Variants in ZNF485 observed in about 807,000 individuals in gnomAD.
ZNF485 encodes the protein Zinc finger protein 93 (Zinc finger protein HTF34).
A neutral mutation model predicts 10.8 loss-of-function variants in ZNF485; 9 were observed. The ratio of observed to expected loss-of-function variants is 0.83; its 90% CI spans 0.50 to 1.45. ZNF485 has a LOEUF of 1.45. Among genes scored for constraint, ZNF485 ranks in the 40% most tolerant of loss-of-function variants. The pLI is 0.00. For synonymous variants in ZNF485, 187 were observed against 181.0 expected (o/e 1.03, Z -0.27); for missense variants, 487 against 528.0 (o/e 0.92, Z 0.76).
At chr10:43,615,324 CTCTG>C (rs59160044) in intron 4 of ZNF485, among the ~76,000 whole-genome samples, 31,313 of 151,954 alleles carry the variant, frequency 0.21, 4,176 homozygotes, top group East Asian at 0.69. Flanking sequence ...AATCATTTCG[CTCTG>C]TCTGTCTTAG....
intron 1 of ZNF485, 96 bp from the exon 2 acceptor site, chr10:43,606,901 G>A: frequency 1.1e-6 from 1 of 893,894 alleles, no homozygotes; most frequent in Non-Finnish European, 1.8e-6. Context: ...GCCCACCTGT[G>A]GAGGGAACGG....
chr10:43,614,530 G>A (rs926147685), intron 4 of ZNF485, among the ~76,000 whole-genome samples: 6 of 152,086 alleles, frequency 3.9e-5, no homozygotes, highest in African/African-American at 1.4e-4. Context: ...CTGGCCTCAA[G>A]CCATCCTCCT....
In ZNF485 at chr10:43,616,532, T is replaced by A; in HGVS notation, c.489T>A (p.Cys163Ter). Reference protein sequence around the residue: ...TSEKPHKCKECGIAFMNSSSL... With the variant: ...TSEKPHKCKE ...AGAAACCACATAAATGTAAAGAATG[T>A]GGGATCGCCTTTATGAACAGTTCAT... The change falls in exon 5 of 5, where the codon TGT becomes TGA. Residue 163 changes from cysteine to a stop codon, truncating the protein, a stop_gained. Transcript: ENST00000361807. LOFTEE classifies it low-confidence loss of function (END_TRUNC). 1 of 1,614,204 alleles carries A rather than the reference T, an allele frequency of 6.2e-7. No individual in the cohort carries two copies. Among genetic ancestry groups the A allele is most frequent in the Non-Finnish European group, 8.5e-7 (1 of 1,180,022 alleles).
rs372016135 is a variant in ZNF485, at chr10:43,617,326, A to T, written c.1283A>T (p.His428Leu). Residue 428 changes from histidine (H) to leucine (L), a missense_variant, in exon 5 of 5, where the codon CAT becomes CTT. Transcript: ENST00000361807. ...AFPRSSALKQHKKIHNKERAM... is the reference protein window; with the variant it reads ...AFPRSSALKQLKKIHNKERAM... The stretch of plus-strand genomic sequence containing the variant: ...CCCCGAAGTTCAGCCCTTAAGCAAC[A>T]TAAGAAAATTCATAATAAAGAAAGA... 16 of 1,572,934 alleles carry T rather than the reference A, an allele frequency of 1.0e-5. No individual in the cohort carries two copies. Among genetic ancestry groups the T allele is most frequent in the African/African-American group, 9.6e-5 (7 of 72,640 alleles).
In ZNF485 at chr10:43,616,897, T is replaced by G. The variant is rs1838871858; in HGVS notation, c.854T>G (p.Val285Gly). ...AGAGCTTTCAGGGATAATTCAACTG[T>G]GTTGGAACATCAGAAAATCCATACT... ...CGRAFRDNST[V>G]LEHQKIHTGE... is the part of the protein sequence containing the mutation. The change falls in exon 5 of 5, where the codon GTG (valine) becomes GGG (glycine). Residue 285 changes from valine to glycine, a missense_variant. Val to Gly is a moderately radical substitution (Grantham distance 109). Coordinates refer to ENST00000361807, the MANE Select transcript of ZNF485 (RefSeq NM_145312.4). The G allele has an allele frequency of 6.2e-7, 1 of 1,613,992 alleles. No homozygotes were observed. Among genetic ancestry groups the G allele is most frequent in the Non-Finnish European group, 8.5e-7 (1 of 1,180,040 alleles).
At chr10:43,606,896 C>G in intron 1 of ZNF485, 101 bp from the exon 2 acceptor site, 1 of 855,046 alleles carries the variant, frequency 1.2e-6, no homozygotes. Flanking sequence ...TGTCTGCCCA[C>G]CTGTGGAGGG....
At chr10:43,615,667 G>T (rs1400812272) in intron 4 of ZNF485, among the ~76,000 whole-genome samples, 1 of 152,202 alleles carries the variant, frequency 6.6e-6, no homozygotes, top group Non-Finnish European at 1.5e-5. Context: ...CTCCCAAAGT[G>T]CTGGGATTAC....
chr10:43,611,924 T>A (rs944611430), intron 4 of ZNF485, among the ~76,000 whole-genome samples: 8 of 152,336 alleles, frequency 5.3e-5, no homozygotes, highest in Admixed American at 1.3e-4. Flanking sequence ...AGATTTTTTT[T>A]AAAAGTTTGT....
chr10:43,610,447 G>A (rs1314763594), intron 4 of ZNF485, among the ~76,000 whole-genome samples: 2 of 152,128 alleles, frequency 1.3e-5, no homozygotes, highest in Admixed American at 6.5e-5. Flanking sequence ...GTCTTTGCTG[G>A]TTGTGGGTGG....
At chr10:43,615,673 A>C (rs1838844591) in intron 4 of ZNF485, among the ~76,000 whole-genome samples, 1 of 152,202 alleles carries the variant, frequency 6.6e-6, no homozygotes, top group South Asian at 2.1e-4. Context: ...AAGTGCTGGG[A>C]TTACAGGCAT....
At chr10:43,615,526 C>T (rs1300582252) in intron 4 of ZNF485, among the ~76,000 whole-genome samples, 2 of 151,442 alleles carry the variant, frequency 1.3e-5, no homozygotes, top group East Asian at 1.9e-4. Context: ...CTCAGCCTCC[C>T]GAGTAGCTGG....
rs891436771 is a variant in ZNF485 at position 43,616,835 on chromosome 10, T to C, written c.792T>C (p.His264=). ...NAALTRHERI[H]SGEKPFKCNK... ...CTCTTACTCGTCATGAAAGAATACA[T>C]AGTGGAGAGAAGCCTTTTAAATGTA... is the stretch of plus-strand genomic sequence containing the variant. Residue 264 remains histidine (H), a synonymous_variant, in exon 5 of 5, where the codon CAT becomes CAC. Coordinates refer to ENST00000361807, the MANE Select transcript of ZNF485 (RefSeq NM_145312.4). 25 of 1,614,084 alleles carry C rather than the reference T, an allele frequency of 1.5e-5. No homozygotes were observed. Among genetic ancestry groups the C allele is most frequent in the Non-Finnish European group, 1.9e-5 (23 of 1,180,016 alleles).
chr10:43,615,934 G>T (rs2132354119), intron 4 of ZNF485, among the ~76,000 whole-genome samples: 1 of 152,160 alleles, frequency 6.6e-6, no homozygotes, highest in Non-Finnish European at 1.5e-5. Context: ...AGTAATTATA[G>T]CTTGCTTTGT....
chr10:43,609,183 T>C, intron 3 of ZNF485, 72 bp from the exon 4 acceptor site: 1 of 1,193,420 alleles, frequency 8.4e-7, no homozygotes, highest in Non-Finnish European at 1.2e-6. Context: ...TGCTTGTGCT[T>C]GTAACCGCCA....
In ZNF485 at chr10:43,616,493, A is replaced by G; in HGVS notation, c.450A>G (p.Arg150=). ...KYNSSFISHQ[R]NHTSEKPHKC... is the part of the protein sequence containing the mutation. ...ATTCGTCCTTTATTAGCCACCAGAG[A>G]AATCACACCAGTGAGAAACCACATA... is the stretch of plus-strand genomic sequence containing the variant. Residue 150 remains arginine (R), a synonymous_variant, in exon 5 of 5, where the codon AGA becomes AGG. Transcript: ENST00000361807. 1 of 1,614,134 alleles carries G rather than the reference A, an allele frequency of 6.2e-7. No individual in the cohort carries two copies. The highest frequency in any genetic ancestry group is 1.1e-5 in the South Asian group (1 of 91,078).
chr10:43,609,106 T>C (rs1368666475), intron 3 of ZNF485, 149 bp from the exon 4 acceptor site: 2 of 652,318 alleles, frequency 3.1e-6, no homozygotes, highest in Non-Finnish European at 5.3e-6. Context: ...GGTGCCACCC[T>C]CTAGGCCTCT....
chr10:43,609,841 G>A (rs1362919136), intron 4 of ZNF485, among the ~76,000 whole-genome samples: 4 of 152,046 alleles, frequency 2.6e-5, no homozygotes, highest in Non-Finnish European at 5.9e-5. Flanking sequence ...ACAATGCTTG[G>A]CTAATTTTTA....
In ZNF485 at chr10:43,609,324, G is replaced by A. The variant is rs1487305763; in HGVS notation, c.221G>A (p.Arg74Gln). ...EQGAEPWTEV[R>Q]EAPSGTHAVE... is the part of the protein sequence containing the mutation. ...GGGGCAGAGCCCTGGACTGAGGTGC[G>A]AGAGGCTCCATCAGGCACACATGCA... The change falls in exon 4 of 5, where the codon CGA becomes CAA. Residue 74 changes from arginine to glutamine, a missense_variant. Coordinates refer to ENST00000361807, the MANE Select transcript of ZNF485 (RefSeq NM_145312.4). The A allele has an allele frequency of 5.0e-6, 8 of 1,613,766 alleles. No homozygotes were observed. The highest frequency in any genetic ancestry group is 4.5e-5 in the East Asian group (2 of 44,890).
At position 43,616,582 on chromosome 10, in the gene ZNF485, A is replaced by G; in HGVS notation, c.539A>G (p.His180Arg). Residue 180 changes from histidine to arginine, a missense_variant, in exon 5 of 5, where the codon CAT becomes CGT. By Grantham distance (29) the His-to-Arg change is conservative. Transcript: ENST00000361807. ...TCCCTTTTAAATCACCATAAGGTTC[A>G]TGCAGGCAAACAGCCTTATAGATGT... ...SSSLLNHHKV[H>R]AGKQPYRCIE... is the part of the protein sequence containing the mutation. 6.2e-7 allele frequency: 1 copy of G among 1,614,244 alleles called. No individual in the cohort carries two copies. The highest frequency in any genetic ancestry group is 8.5e-7 in the Non-Finnish European group (1 of 1,180,042).
Sources: gnomAD v4.1 joint callset for allele counts (sites outside exome capture counted in the v4.1 genomes callset) on GRCh38, gnomAD v4.1.1 for gene constraint, MANE v1.5 for transcripts, NCBI Gene and HGNC (gene_info 2026-07-23, HGNC 2026-07-21) for gene names.